PRKAG2: variants seen among roughly 807,000 people sequenced by gnomAD.
PRKAG2 encodes protein kinase AMP-activated non-catalytic subunit gamma 2.
Under a neutral mutation model 69.6 loss-of-function variants are expected in PRKAG2, and 26 were observed. The observed-to-expected ratio is 0.37, with a 90% CI of 0.27 to 0.52. The LOEUF (loss-of-function observed/expected upper bound fraction) is 0.52, where lower values mean the gene tolerates loss of function less well. Among genes scored for constraint, PRKAG2 ranks in the 20% least tolerant of loss-of-function variants. PRKAG2 has a pLI of 0.90. For missense variants in PRKAG2, 557 were observed against 740.0 expected, an observed-to-expected ratio of 0.75 and a Z score of 2.87; for synonymous variants, 293 against 285.0, an observed-to-expected ratio of 1.03 and a Z score of -0.28.
chr7:151,685,867 C>T (rs1264296362), intron 3 of PRKAG2, among the ~76,000 whole-genome samples: 1 of 152,028 alleles, frequency 6.6e-6, no homozygotes, highest in South Asian at 2.1e-4. Flanking sequence ...AGTAACTTCT[C>T]AGCAATCTAT....
intron 2 of PRKAG2, among the ~76,000 whole-genome samples, chr7:151,783,125 C>T (rs1304763085): frequency 1.3e-5 from 2 of 152,200 alleles, no homozygotes; most frequent in Non-Finnish European, 2.9e-5. Flanking sequence ...GCCCCGAGCC[C>T]GCGGCCCCGG....
At chr7:151,830,919 G>A (rs2079012132) in intron 1 of PRKAG2, among the ~76,000 whole-genome samples, 1 of 151,924 alleles carries the variant, frequency 6.6e-6, no homozygotes, top group Non-Finnish European at 1.5e-5. Context: ...TTTAGGTGAA[G>A]GAGTTTCCCT....
intron 3 of PRKAG2, among the ~76,000 whole-genome samples, chr7:151,734,999 C>T (rs370814246): frequency 5.3e-5 from 8 of 151,846 alleles, no homozygotes; most frequent in Non-Finnish European, 7.4e-5. Flanking sequence ...GGACTATATG[C>T]GCACGCCACC....
chr7:151,855,378 G>A (rs201666080), intron 1 of PRKAG2, among the ~76,000 whole-genome samples: 11 of 6,792 alleles, frequency 1.6e-3, no homozygotes, highest in African/African-American at 2.1e-3. Flanking sequence ...CACACACACC[G>A]CCCTCCACAC....
At chr7:151,778,384 A>T (rs901764211) in intron 3 of PRKAG2, among the ~76,000 whole-genome samples, 5 of 152,238 alleles carry the variant, frequency 3.3e-5, no homozygotes, top group Admixed American at 1.3e-4. Context: ...CCCCAGAAGC[A>T]GATGCTGGCA....
chr7:151,703,911 A>ACACACACACACACACAC lies in PRKAG2; in HGVS notation c.467-28275_467-28274insGTGTGTGTGTGTGTGTG, dbSNP rs1563476709. ...ACACACACACACACACACACACACA[A>ACACACACACACACACAC]ATTAGCTAGGCATGGTGGCAGGTGC... On this transcript the variant is annotated intron_variant, in intron 3 of 15. Coordinates refer to ENST00000287878, the MANE Select transcript of PRKAG2 (RefSeq NM_016203.4). Among the ~76,000 whole-genome samples, 5 of 103,714 alleles carry ACACACACACACACACAC rather than the reference A, an allele frequency of 4.8e-5. No individual in the cohort carries two copies. The South Asian group carries it at 9.2e-4, about 19-fold the overall frequency. The allele number at this position is 103,714 out of a possible 152,430, so 68.0% of individuals were successfully genotyped here.
chr7:151,576,262 G>A, intron 7 of PRKAG2, 109 bp downstream of exon 7: 1 of 1,071,374 alleles, frequency 9.3e-7, no homozygotes, highest in African/African-American at 1.6e-5. Context: ...TCTTTAACTT[G>A]GAAACATGTT....
chr7:151,832,488 C>T (rs1314493993), intron 1 of PRKAG2, among the ~76,000 whole-genome samples: 3 of 151,378 alleles, frequency 2.0e-5, no homozygotes, highest in Admixed American at 6.6e-5. Context: ...GTTAGGTCCA[C>T]GAGAAAGGGA....
intron 4 of PRKAG2, among the ~76,000 whole-genome samples, chr7:151,673,052 G>C (rs73481967): frequency 1.3e-5 from 2 of 152,084 alleles, no homozygotes; most frequent in African/African-American, 4.8e-5. Context: ...TTACACTCGC[G>C]GGGAGGAAGC....
intron 3 of PRKAG2, among the ~76,000 whole-genome samples, chr7:151,746,282 C>A (rs1268783458): frequency 2.0e-5 from 3 of 152,202 alleles, no homozygotes; most frequent in African/African-American, 4.8e-5. Context: ...CCTTAAGAAG[C>A]CCCTAGCTTA....
At chr7:151,688,049 C>CCCCCG (rs976066654) in intron 3 of PRKAG2, among the ~76,000 whole-genome samples, 1 of 144,402 alleles carries the variant, frequency 6.9e-6, no homozygotes, top group East Asian at 2.0e-4. Flanking sequence ...GAGGCCCCCC[C>CCCCCG]CCGGGCTCCT....
At chr7:151,572,485 C>T (rs551602303) in intron 9 of PRKAG2, 179 bp downstream of exon 9, 1 of 540,796 alleles carries the variant, frequency 1.8e-6, no homozygotes, top group South Asian at 2.4e-5. Flanking sequence ...AGGGACAATA[C>T]TTATATTGTT....
intron 1 of PRKAG2, among the ~76,000 whole-genome samples, chr7:151,787,528 C>T (rs911248629): frequency 1.3e-5 from 2 of 152,236 alleles, no homozygotes; most frequent in Non-Finnish European, 2.9e-5. Context: ...GTGTGTGCCA[C>T]AGTTCCCTTC....
intron 3 of PRKAG2, among the ~76,000 whole-genome samples, chr7:151,769,022 G>A (rs1435683759): frequency 6.6e-6 from 1 of 152,212 alleles, no homozygotes; most frequent in Non-Finnish European, 1.5e-5. Context: ...CATGGAGGGT[G>A]TCCCCCCAGT....
chr7:151,609,382 AGACT>A (rs1818236510), intron 5 of PRKAG2, among the ~76,000 whole-genome samples: 2 of 152,230 alleles, frequency 1.3e-5, no homozygotes, highest in Non-Finnish European at 2.9e-5. Flanking sequence ...TGAACAAGAC[AGACT>A]ATCACTAATC....
intron 1 of PRKAG2, among the ~76,000 whole-genome samples, chr7:151,855,605 AC>A (rs1586730988): frequency 8.3e-6 from 1 of 121,184 alleles, no homozygotes; most frequent in African/African-American, 2.9e-5. Context: ...CACACACGCC[AC>A]CCTCCACACA....
chr7:151,861,528 C>CAAAAAA (rs11406004), intron 1 of PRKAG2, among the ~76,000 whole-genome samples: 2 of 96,584 alleles, frequency 2.1e-5, no homozygotes, highest in African/African-American at 8.6e-5. Flanking sequence ...ACTCTGTCTC[C>CAAAAAA]AAAAAAAAAA....
chr7:151,767,022 G>A (rs2075769760), intron 3 of PRKAG2, among the ~76,000 whole-genome samples: 1 of 152,216 alleles, frequency 6.6e-6, no homozygotes, highest in Admixed American at 6.5e-5. Context: ...GGTTATACTG[G>A]AGTCAGAGGG....
intron 1 of PRKAG2, among the ~76,000 whole-genome samples, chr7:151,870,157 G>GATAGATAGATAGATAGA (rs1563769271): frequency 9.8e-5 from 11 of 112,664 alleles, no homozygotes; most frequent in East Asian, 2.6e-4. Flanking sequence ...AGATAGATAG[G>GATAGATAGATAGATAGA]CAGGCAGGCA....
Sources: gnomAD v4.1 joint callset for allele counts (sites outside exome capture counted in the v4.1 genomes callset) on GRCh38, gnomAD v4.1.1 for gene constraint, MANE v1.5 for transcripts, NCBI Gene and HGNC (gene_info 2026-07-23, HGNC 2026-07-21) for gene names.